Variants in UBR3 observed in about 807,000 individuals in gnomAD.
UBR3 encodes the protein E3 ubiquitin-protein ligase UBR3.
UBR3 carries 85 observed loss-of-function variants against 243.2 expected under a neutral mutation model. The ratio of observed to expected loss-of-function variants is 0.35; its 90% CI spans 0.29 to 0.42. The LOEUF is 0.42. UBR3 is among the 10% of genes least tolerant of loss of function. The pLI, the probability that UBR3 is intolerant of heterozygous loss-of-function variation, is 1.00. For synonymous variants in UBR3, 748 were observed against 799.8 expected (o/e 0.94, Z 1.09); for missense variants, 1,686 against 2,300.8 (o/e 0.73, Z 5.47).
chr2:169,894,381 T>C (rs1286978759), intron 6 of UBR3, among the ~76,000 whole-genome samples: 2 of 150,932 alleles, frequency 1.3e-5, no homozygotes, highest in African/African-American at 2.4e-5. Context: ...CTTGTCTTTG[T>C]ATGTTAACCA....
intron 2 of UBR3, among the ~76,000 whole-genome samples, chr2:169,874,647 G>A (rs2083541155): frequency 6.6e-6 from 1 of 151,998 alleles, no homozygotes; most frequent in African/African-American, 2.4e-5. Context: ...TTGTTTCAGA[G>A]CCCTTGAAAA....
intron 5 of UBR3, 88 bp downstream of exon 5, chr2:169,878,662 G>A: frequency 8.4e-7 from 1 of 1,196,594 alleles, no homozygotes; most frequent in East Asian, 2.6e-5. Flanking sequence ...TTATAGTTCT[G>A]AAACTGTATA....
chr2:169,993,912 C>A (rs955964158), intron 25 of UBR3, among the ~76,000 whole-genome samples: 6 of 152,162 alleles, frequency 3.9e-5, no homozygotes, highest in Non-Finnish European at 7.4e-5. Context: ...AATCACACAT[C>A]CTTCCGGGCT....
chr2:169,855,538 G>T (rs2082809249), intron 1 of UBR3, among the ~76,000 whole-genome samples: 1 of 151,800 alleles, frequency 6.6e-6, no homozygotes. Flanking sequence ...TGAGATTAGG[G>T]AGTGGTGATG....
At chr2:170,078,995 T>C (rs1046580024) in intron 36 of UBR3, among the ~76,000 whole-genome samples, 32 of 152,310 alleles carry the variant, frequency 2.1e-4, no homozygotes, top group Non-Finnish European at 3.4e-4. Context: ...GCTTAGTTAC[T>C]CCACTGATTT....
At chr2:169,866,419 A>G (rs1012655910) in intron 1 of UBR3, among the ~76,000 whole-genome samples, 3 of 150,420 alleles carry the variant, frequency 2.0e-5, no homozygotes, top group Admixed American at 6.6e-5. Flanking sequence ...GCTGGAGTGC[A>G]GTGGCGAGAT....
At chr2:169,854,809 T>C (rs566920686) in intron 1 of UBR3, among the ~76,000 whole-genome samples, 1 of 152,236 alleles carries the variant, frequency 6.6e-6, no homozygotes, top group East Asian at 1.9e-4. Context: ...TTTTTAAGAC[T>C]TAAAAAAGCA....
At chr2:169,978,766 G>A (rs769735417) in intron 24 of UBR3, among the ~76,000 whole-genome samples, 1 of 152,132 alleles carries the variant, frequency 6.6e-6, no homozygotes, top group African/African-American at 2.4e-5. Context: ...ATGGAGAAGG[G>A]TGTCTCAGCA....
chr2:170,061,991 C>A (rs2091467230), intron 35 of UBR3, among the ~76,000 whole-genome samples: 1 of 152,062 alleles, frequency 6.6e-6, no homozygotes, highest in African/African-American at 2.4e-5. Context: ...GATACATTCC[C>A]AGTACTTGAT....
intron 30 of UBR3, among the ~76,000 whole-genome samples, chr2:170,024,137 G>A (rs1302074721): frequency 2.0e-5 from 3 of 151,894 alleles, no homozygotes; most frequent in Admixed American, 6.6e-5. Context: ...GGCAGATTAC[G>A]AGGTCAGGAG....
intron 11 of UBR3, among the ~76,000 whole-genome samples, chr2:169,920,760 G>T (rs11692133): frequency 1.3e-5 from 2 of 152,054 alleles, no homozygotes; most frequent in Admixed American, 6.5e-5. Context: ...TTGCTCAAGC[G>T]GGGGTAGATG....
At chr2:169,856,580 C>T (rs1044904235) in intron 1 of UBR3, among the ~76,000 whole-genome samples, 2 of 152,216 alleles carry the variant, frequency 1.3e-5, no homozygotes, top group African/African-American at 4.8e-5. Context: ...TCTGCAATCC[C>T]GGCACCTCGG....
intron 19 of UBR3, among the ~76,000 whole-genome samples, chr2:169,938,282 T>C (rs1030436282): frequency 2.0e-5 from 3 of 152,046 alleles, no homozygotes; most frequent in Non-Finnish European, 2.9e-5. Context: ...TCCTTTTTTT[T>C]TTTTTTTGAG....
At chr2:169,974,451 A>G (rs998828677) in intron 24 of UBR3, among the ~76,000 whole-genome samples, 1 of 152,104 alleles carries the variant, frequency 6.6e-6, no homozygotes, top group African/African-American at 2.4e-5. Flanking sequence ...ATTGGTTGGC[A>G]TATAGTTGTT....
chr2:169,881,800 TA>T (rs1434448864), intron 5 of UBR3, among the ~76,000 whole-genome samples: 27 of 139,592 alleles, frequency 1.9e-4, no homozygotes, highest in Non-Finnish European at 2.9e-4. Context: ...TATTTATATT[TA>T]TGTTATAATA....
chr2:170,057,724 A>G (rs2091365976), intron 33 of UBR3, among the ~76,000 whole-genome samples: 1 of 152,190 alleles, frequency 6.6e-6, no homozygotes, highest in Non-Finnish European at 1.5e-5. Context: ...AACACTTAAT[A>G]AAATACTTTA....
rs575414996 is a variant in UBR3 at position 169,881,466 on chromosome 2, A to G, written c.1038+2892A>G. Among the ~76,000 whole-genome samples, 14 of 152,122 alleles carry G rather than the reference A, an allele frequency of 9.2e-5. No individual in the cohort carries two copies. In the East Asian group the frequency reaches 2.5e-3, roughly 27 times the overall value. ...AGTGCTGGGATTATAGGTATGAGCCACCGTGCCCAGCCCCAGAAAGCTAAA... is the reference window on the plus strand; with the variant it reads ...AGTGCTGGGATTATAGGTATGAGCCGCCGTGCCCAGCCCCAGAAAGCTAAA... On this transcript the variant is annotated intron_variant, in intron 5 of 38. Transcript: ENST00000272793.
chr2:170,049,967 A>T (rs1330605144), intron 32 of UBR3, among the ~76,000 whole-genome samples: 1 of 152,330 alleles, frequency 6.6e-6, no homozygotes, highest in East Asian at 1.9e-4. Flanking sequence ...CTTTCATTTG[A>T]ATCTTTAACA....
At chr2:170,080,059 C>T (rs2091881062) in intron 37 of UBR3, 36 bp downstream of exon 37, 3 of 1,568,670 alleles carry the variant, frequency 1.9e-6, no homozygotes, top group Non-Finnish European at 2.6e-6. Flanking sequence ...TTTATGAAAA[C>T]ACAGATCTCA....
Sources: gnomAD v4.1 joint callset for allele counts (sites outside exome capture counted in the v4.1 genomes callset) on GRCh38, gnomAD v4.1.1 for gene constraint, MANE v1.5 for transcripts, NCBI Gene and HGNC (gene_info 2026-07-23, HGNC 2026-07-21) for gene names.